The following LYRM7 variants were observed in gnomAD, a reference collection of about 807,000 sequenced individuals.
LYRM7 encodes LYR motif containing 7.
A neutral mutation model predicts 15.8 loss-of-function variants in LYRM7; 9 were observed. The observed-to-expected ratio is 0.57, with a 90% confidence interval of 0.34 to 0.99. The LOEUF (loss-of-function observed/expected upper bound fraction) is 0.99. Among genes scored for constraint, LYRM7 ranks in the 50% least tolerant of loss-of-function variants. The probability of loss-of-function intolerance (pLI) is 0.02; values close to 1 mark genes in which losing one functional copy is unlikely to be tolerated. For synonymous variants in LYRM7, 39 were observed against 39.4 expected (o/e 0.99, Z 0.04); for missense variants, 115 against 119.1 (o/e 0.97, Z 0.16).
Position 131,187,109 on chromosome 5 carries a change from A to C in LYRM7, c.244A>C (p.Lys82Gln), listed in dbSNP as rs1190710895. 2.0e-6 allele frequency: 3 copies of C among 1,482,058 alleles called. No individual in the cohort carries two copies. The highest frequency in any genetic ancestry group is 2.8e-6 in the Non-Finnish European group (3 of 1,084,870). 91.8% of individuals were successfully genotyped at this position (1,482,058 alleles called of 1,614,324 possible). ...QGIHTDHNTL[K>Q]LVPRKDLLVE... ...TATTCACACAGACCACAATACACTG[A>C]GTAAGTAAAATTAAAGAAAAATGGT... The change falls in exon 4 of 5, where the codon AAA becomes CAA. Residue 82 changes from lysine to glutamine, a missense_variant and splice_region_variant. Lys to Gln is a moderately conservative substitution (Grantham distance 53). Transcript: ENST00000379380.
At chr5:131,182,833 GA>G (rs575727395) in intron 3 of LYRM7, among the ~76,000 whole-genome samples, 1 of 151,820 alleles carries the variant, frequency 6.6e-6, no homozygotes, top group African/African-American at 2.4e-5. Flanking sequence ...GAAGTTTATT[GA>G]AAAAAATGCA....
intron 3 of LYRM7, among the ~76,000 whole-genome samples, chr5:131,185,260 A>G (rs547508050): frequency 6.6e-6 from 1 of 152,336 alleles, no homozygotes; most frequent in Admixed American, 6.5e-5. Context: ...AACATGACCT[A>G]CAAGACTGTC....
At chr5:131,179,473 C>CT (rs67464966) in intron 1 of LYRM7, among the ~76,000 whole-genome samples, 13 of 73,176 alleles carry the variant, frequency 1.8e-4, no homozygotes, top group East Asian at 3.8e-4. Flanking sequence ...TTTTTTTTTT[C>CT]TTTTTTTTTT....
intron 4 of LYRM7, among the ~76,000 whole-genome samples, chr5:131,189,897 C>T (rs1189237383): frequency 6.6e-6 from 1 of 152,064 alleles, no homozygotes; most frequent in Non-Finnish European, 1.5e-5. Context: ...CTTTGGGAGG[C>T]TGAGGTGGGC....
At chr5:131,197,214 A>G (rs1033145855) in intron 4 of LYRM7, among the ~76,000 whole-genome samples, 27 of 152,142 alleles carry the variant, frequency 1.8e-4, no homozygotes, top group Admixed American at 2.6e-4. Flanking sequence ...TTATATATTC[A>G]CCTTCATATC....
At chr5:131,197,647 TCCTCCTG>T (rs1755988571) in intron 4 of LYRM7, among the ~76,000 whole-genome samples, 1 of 139,232 alleles carries the variant, frequency 7.2e-6, no homozygotes, top group Non-Finnish European at 1.5e-5. Context: ...GCTCAAGCAA[TCCTCCTG>T]CCTCAGCCTC....
intron 2 of LYRM7, among the ~76,000 whole-genome samples, chr5:131,181,569 C>T (rs28663517): frequency 0.31 from 46,295 of 148,072 alleles, 11,875 homozygotes; most frequent in African/African-American, 0.71. Context: ...TTAAATTTTT[C>T]AAGTGGAATA....
intron 4 of LYRM7, among the ~76,000 whole-genome samples, chr5:131,193,163 C>A (rs575538442): frequency 1.3e-5 from 2 of 152,082 alleles, no homozygotes; most frequent in Non-Finnish European, 2.9e-5. Flanking sequence ...TAAACTTCTG[C>A]CTTTTGGTTT....
At chr5:131,182,482 A>C (rs1456595175) in intron 3 of LYRM7, among the ~76,000 whole-genome samples, 183 bp downstream of exon 3, 1 of 152,144 alleles carries the variant, frequency 6.6e-6, no homozygotes, top group African/African-American at 2.4e-5. Context: ...CCGACACCAA[A>C]ATACAGCAAG....
At chr5:131,199,335 C>A (rs1756020741) in intron 4 of LYRM7, among the ~76,000 whole-genome samples, 196 bp from the exon 5 acceptor site, 1 of 152,068 alleles carries the variant, frequency 6.6e-6, no homozygotes, top group Non-Finnish European at 1.5e-5. Context: ...TTTATATAAT[C>A]TGAAATGAGA....
At chr5:131,190,719 G>C (rs1755872737) in intron 4 of LYRM7, among the ~76,000 whole-genome samples, 3 of 151,664 alleles carry the variant, frequency 2.0e-5, no homozygotes, top group Admixed American at 2.0e-4. Flanking sequence ...TGGAACTCCT[G>C]ACCTCAGGTG....
At chr5:131,175,524 GTTTGT>G (rs367920351) in intron 1 of LYRM7, among the ~76,000 whole-genome samples, 17 of 151,352 alleles carry the variant, frequency 1.1e-4, no homozygotes, top group East Asian at 9.8e-4. Context: ...GGGTGTGTTT[GTTTGT>G]TTTGTTTTGT....
intron 4 of LYRM7, among the ~76,000 whole-genome samples, chr5:131,193,791 A>G (rs959646006): frequency 2.0e-5 from 3 of 152,146 alleles, no homozygotes; most frequent in Non-Finnish European, 2.9e-5. Context: ...ACGTGGATCA[A>G]CTGAGGTCAG....
In LYRM7 at chr5:131,205,272, T is replaced by C. The variant is rs923455249; in HGVS notation, c.*5671T>C. The C allele has an allele frequency of 2.0e-5, 3 of 152,196 alleles. No homozygotes were observed. Among genetic ancestry groups the C allele is most frequent in the Non-Finnish European group, 4.4e-5 (3 of 68,034 alleles). The allele number at this position is 152,196 out of a possible 1,614,324, so 9.4% of individuals were successfully genotyped here. On this transcript the variant is annotated 3_prime_UTR_variant, in exon 5 of 5. Coordinates refer to ENST00000379380, the MANE Select transcript of LYRM7 (RefSeq NM_181705.4). ...TATTCAAAAAACAGTTGTTTTGTGA[T>C]TTTAAAATGTAAATGAATGGCGTTA... is the stretch of plus-strand genomic sequence containing the variant.
chr5:131,186,834 T>C (rs1755801938), intron 3 of LYRM7, among the ~76,000 whole-genome samples, 194 bp from the exon 4 acceptor site: 1 of 152,224 alleles, frequency 6.6e-6, no homozygotes, highest in Admixed American at 6.5e-5. Flanking sequence ...TAAAAACTTA[T>C]ACATTATTTA....
rs1756099960 is a variant in LYRM7 at position 131,202,944 on chromosome 5, A to G, written c.*3343A>G. The G allele has an allele frequency of 6.6e-6, 1 of 152,376 alleles. No individual in the cohort carries two copies. The highest frequency in any genetic ancestry group is 2.1e-4 in the South Asian group (1 of 4,836). 9.4% of individuals were successfully genotyped at this position (152,376 alleles called of 1,614,324 possible). On this transcript the variant is annotated 3_prime_UTR_variant, in exon 5 of 5. Coordinates refer to ENST00000379380, the MANE Select transcript of LYRM7 (RefSeq NM_181705.4). ...GGGGAATATGGCAGGTAGTTTGTAC[A>G]ACATCTAATTCAGAACATTAAAATT...
At chr5:131,179,038 C>T (rs990042983) in intron 1 of LYRM7, among the ~76,000 whole-genome samples, 6 of 151,116 alleles carry the variant, frequency 4.0e-5, no homozygotes, top group Admixed American at 6.6e-5. Context: ...CTTCTGTGGC[C>T]TCTTTTAAGA....
rs1407229677 is a variant in LYRM7 at position 131,199,494 on chromosome 5, G to C, written c.245-37G>C. ...GTCCTTGCATTTAATTCTAATTTTA[G>C]TGATGTTAATTATTCTCTTTTTTTT... is the stretch of plus-strand genomic sequence containing the variant. On this transcript the variant is annotated intron_variant, in intron 4 of 4. Coordinates refer to ENST00000379380, the MANE Select transcript of LYRM7 (RefSeq NM_181705.4). 17 of 1,398,596 alleles carry C rather than the reference G, an allele frequency of 1.2e-5. No individual in the cohort carries two copies. The South Asian group carries it at 2.1e-4, about 17-fold the overall frequency. 86.6% of individuals were successfully genotyped at this position (1,398,596 alleles called of 1,614,324 possible).
chr5:131,179,992 G>A lies in LYRM7; in HGVS notation c.19-103G>A, dbSNP rs149844917. The A allele has an allele frequency of 1.7e-3, 1,289 of 768,042 alleles. 3 individuals are homozygous for A. Among genetic ancestry groups the A allele is most frequent in the Non-Finnish European group, 2.5e-3 (1,181 of 463,364 alleles). 47.6% of individuals were successfully genotyped at this position (768,042 alleles called of 1,614,324 possible). A position where few individuals can be genotyped will look rare whatever the true frequency, so the allele number is the denominator to read the frequency against. ...GTCTCACCATATCGCCCAGGGTCTC[G>A]AACTCCTGGGCTAAAGCGATCCTGC... On this transcript the variant is annotated intron_variant, in intron 1 of 4. Transcript: ENST00000379380.
Sources: allele counts gnomAD v4.1 joint callset (sites outside exome capture counted in the v4.1 genomes callset), GRCh38; gene constraint gnomAD v4.1.1; transcripts MANE v1.5; gene names NCBI Gene and HGNC (gene_info 2026-07-23, HGNC 2026-07-21).